The following NALF1 variants were observed in gnomAD, a reference collection of about 807,000 sequenced individuals.
NALF1 encodes NALCN channel auxiliary factor 1.
A neutral mutation model predicts 48.4 loss-of-function variants in NALF1; 3 were observed. The ratio of observed to expected loss-of-function variants is 0.06; its 90% CI spans 0.03 to 0.16. NALF1 has a LOEUF of 0.16. Among genes scored for constraint, NALF1 ranks in the 10% least tolerant of loss-of-function variants. NALF1 has a pLI of 1.00. For synonymous variants in NALF1, 262 were observed against 245.7 expected (o/e 1.07, Z -0.62); for missense variants, 526 against 571.5 (o/e 0.92, Z 0.81).
intron 1 of NALF1, among the ~76,000 whole-genome samples, chr13:107,294,769 T>A (rs1290650937): frequency 2.0e-5 from 3 of 152,240 alleles, no homozygotes; most frequent in Non-Finnish European, 4.4e-5. Flanking sequence ...CCCAAGCTTC[T>A]CATTGTTTCT....
At chr13:107,726,626 TCC>T (rs764453615) in intron 1 of NALF1, among the ~76,000 whole-genome samples, 2 of 127,168 alleles carry the variant, frequency 1.6e-5, no homozygotes, top group African/African-American at 6.2e-5. Flanking sequence ...TTTTTTTTTT[TCC>T]AGATGGAGTC....
intron 1 of NALF1, among the ~76,000 whole-genome samples, chr13:107,216,853 C>T (rs1343113603): frequency 2.6e-5 from 4 of 152,146 alleles, no homozygotes; most frequent in Non-Finnish European, 5.9e-5. Flanking sequence ...TATGGCACCA[C>T]GGAGCTGCCC....
At chr13:107,661,219 C>T (rs953511004) in intron 1 of NALF1, among the ~76,000 whole-genome samples, 7 of 152,188 alleles carry the variant, frequency 4.6e-5, no homozygotes, top group African/African-American at 1.4e-4. Context: ...GATTTCTCAC[C>T]AACTTCCAGC....
At chr13:107,739,291 G>A (rs367949582) in intron 1 of NALF1, among the ~76,000 whole-genome samples, 4 of 151,342 alleles carry the variant, frequency 2.6e-5, no homozygotes, top group South Asian at 2.1e-4. Context: ...AAACCCGCAC[G>A]TCCTGCACAT....
intron 1 of NALF1, among the ~76,000 whole-genome samples, chr13:107,777,462 G>T (rs933375187): frequency 3.9e-5 from 6 of 152,182 alleles, no homozygotes; most frequent in Admixed American, 3.9e-4. Context: ...TTTGGATCAC[G>T]GGGGCAGATC....
intron 1 of NALF1, among the ~76,000 whole-genome samples, chr13:107,454,358 C>T (rs558375400): frequency 1.5e-4 from 23 of 152,128 alleles, no homozygotes; most frequent in African/African-American, 5.1e-4. Context: ...AGGAAAATTA[C>T]AATTATGGCA....
chr13:107,566,457 A>G (rs1304123051), intron 1 of NALF1, among the ~76,000 whole-genome samples: 3 of 152,178 alleles, frequency 2.0e-5, no homozygotes, highest in Non-Finnish European at 4.4e-5. Flanking sequence ...GTCAGCCAGA[A>G]GCACCCAGTG....
At chr13:107,343,427 A>G (rs543287941) in intron 1 of NALF1, among the ~76,000 whole-genome samples, 1 of 152,306 alleles carries the variant, frequency 6.6e-6, no homozygotes, top group East Asian at 1.9e-4. Context: ...CTCTCATGAT[A>G]GTAAATAAGT....
intron 2 of NALF1, among the ~76,000 whole-genome samples, chr13:107,210,097 A>G (rs1879730419): frequency 6.6e-6 from 1 of 152,088 alleles, no homozygotes; most frequent in Non-Finnish European, 1.5e-5. Context: ...CGTACAATTT[A>G]GGCAGATATT....
chr13:107,641,363 G>A lies in NALF1; in HGVS notation c.915+224319C>T, dbSNP rs563178625. On this transcript the variant is annotated intron_variant, in intron 1 of 2. Coordinates refer to ENST00000375915, the MANE Select transcript of NALF1 (RefSeq NM_001080396.3). The stretch of plus-strand genomic sequence containing the variant: ...CAGCACAGTAGAGAGACAACAGTTT[G>A]CAATAATTTGTTGCTTATTTCAAAA... Among the ~76,000 whole-genome samples the A allele has an allele frequency of 4.3e-4, 65 of 152,256 alleles. No individual in the cohort carries two copies. In the South Asian group the frequency reaches 7.3e-3, roughly 17 times the overall value.
chr13:107,600,805 TGA>T (rs1878905183), intron 1 of NALF1, among the ~76,000 whole-genome samples: 1 of 152,212 alleles, frequency 6.6e-6, no homozygotes, highest in Admixed American at 6.5e-5. Context: ...GAAATATTCC[TGA>T]CACTTAACTT....
chr13:107,511,154 T>C (rs931090149), intron 1 of NALF1, among the ~76,000 whole-genome samples: 5 of 152,184 alleles, frequency 3.3e-5, no homozygotes, highest in Admixed American at 6.5e-5. Context: ...ATGGAGGGCA[T>C]CCACAGTAAA....
chr13:107,814,653 C>A (rs1879109597), intron 1 of NALF1, among the ~76,000 whole-genome samples: 1 of 152,034 alleles, frequency 6.6e-6, no homozygotes, highest in African/African-American at 2.4e-5. Context: ...GGAAAATATA[C>A]TCACCTAACA....
At chr13:107,350,076 T>C (rs1191381293) in intron 1 of NALF1, among the ~76,000 whole-genome samples, 1 of 152,122 alleles carries the variant, frequency 6.6e-6, no homozygotes, top group Non-Finnish European at 1.5e-5. Context: ...TAGCCACTGA[T>C]CTGACGGGAG....
intron 1 of NALF1, among the ~76,000 whole-genome samples, chr13:107,416,031 G>A (rs796590040): frequency 6.6e-6 from 1 of 150,928 alleles, no homozygotes; most frequent in East Asian, 1.9e-4. Context: ...TTTTGAGATG[G>A]TGTCTCGCTC....
intron 1 of NALF1, among the ~76,000 whole-genome samples, chr13:107,854,804 G>A (rs1221065546): frequency 6.6e-6 from 1 of 151,308 alleles, no homozygotes; most frequent in Non-Finnish European, 1.5e-5. Context: ...AACCCGGGAG[G>A]CGGCGGTTGC....
At chr13:107,521,277 C>T (rs1292112407) in intron 1 of NALF1, among the ~76,000 whole-genome samples, 1 of 152,164 alleles carries the variant, frequency 6.6e-6, no homozygotes, top group Non-Finnish European at 1.5e-5. Context: ...GAAAATCTGA[C>T]TTATAGTTCA....
intron 1 of NALF1, among the ~76,000 whole-genome samples, chr13:107,336,664 A>C (rs1340719688): frequency 6.6e-6 from 1 of 152,154 alleles, no homozygotes; most frequent in Non-Finnish European, 1.5e-5. Context: ...CTGAATGTTA[A>C]TTTCATGTAA....
rs1594084175 is a variant in NALF1 at position 107,238,467 on chromosome 13, G to A, written c.916-27712C>T. Among the ~76,000 whole-genome samples the A allele has an allele frequency of 2.0e-5, 3 of 152,174 alleles. No individual in the cohort carries two copies. The East Asian group carries it at 5.8e-4, about 29-fold the overall frequency. ...TCTGCCGGGCCCTCTGCTGACTGGG[G>A]ATGGCTCCTGCCATCAAGGAGCTCT... On this transcript the variant is annotated intron_variant, in intron 1 of 2. Coordinates refer to ENST00000375915, the MANE Select transcript of NALF1 (RefSeq NM_001080396.3).
Sources: gnomAD v4.1 joint callset for allele counts (sites outside exome capture counted in the v4.1 genomes callset) on GRCh38, gnomAD v4.1.1 for gene constraint, MANE v1.5 for transcripts, NCBI Gene and HGNC (gene_info 2026-07-23, HGNC 2026-07-21) for gene names.